PALM2AKAP2: variants seen among roughly 807,000 people sequenced by gnomAD.
PALM2AKAP2 encodes PALM2 and AKAP2 fusion, also known as PALM2-AKAP2 fusion protein.
PALM2AKAP2 carries 37 observed loss-of-function variants against 71.5 expected under a neutral mutation model. That is an observed-to-expected ratio of 0.52 (90% CI 0.40 to 0.68). PALM2AKAP2 has a LOEUF of 0.68. Among genes scored for constraint, PALM2AKAP2 ranks in the 30% least tolerant of loss-of-function variants. The probability of loss-of-function intolerance (pLI) is 0.00; values close to 1 mark genes in which losing one functional copy is unlikely to be tolerated. For synonymous variants in PALM2AKAP2, 468 were observed against 478.8 expected, an observed-to-expected ratio of 0.98 and a Z score of 0.29; for missense variants, 1,224 against 1,191.8, an observed-to-expected ratio of 1.03 and a Z score of -0.40.
At chr9:109,745,845 A>C (rs926601513) in intron 1 of PALM2AKAP2, among the ~76,000 whole-genome samples, 2 of 152,186 alleles carry the variant, frequency 1.3e-5, no homozygotes, top group African/African-American at 4.8e-5. Flanking sequence ...TGGGCTTCAT[A>C]AATTCAGACC....
intron 1 of PALM2AKAP2, among the ~76,000 whole-genome samples, chr9:109,844,133 C>T (rs978992335): frequency 6.6e-6 from 1 of 152,124 alleles, no homozygotes; most frequent in African/African-American, 2.4e-5. Context: ...AGTAGTATAC[C>T]CAGGCTTCAG....
intron 1 of PALM2AKAP2, among the ~76,000 whole-genome samples, chr9:110,080,492 T>C (rs545977857): frequency 1.3e-5 from 2 of 152,236 alleles, no homozygotes; most frequent in African/African-American, 4.8e-5. Context: ...ATGTCAGGTG[T>C]AGGAAGAGAT....
intron 1 of PALM2AKAP2, among the ~76,000 whole-genome samples, chr9:110,068,379 A>G (rs533448806): frequency 6.7e-6 from 1 of 149,832 alleles, no homozygotes; most frequent in South Asian, 2.1e-4. Flanking sequence ...GGGAATGACA[A>G]TGGATTTGGT....
intron 3 of PALM2AKAP2, among the ~76,000 whole-genome samples, chr9:109,905,756 G>C (rs1029661170): frequency 6.6e-6 from 1 of 152,152 alleles, no homozygotes; most frequent in Non-Finnish European, 1.5e-5. Flanking sequence ...TCAGTCCCTG[G>C]GACATCTTAA....
intron 6 of PALM2AKAP2, among the ~76,000 whole-genome samples, chr9:109,998,781 A>C (rs1011191810): frequency 6.7e-6 from 1 of 148,338 alleles, no homozygotes; most frequent in African/African-American, 2.5e-5. Flanking sequence ...AAAAAAAAAA[A>C]AGGGGGGATA....
At chr9:110,048,912 G>T (rs981094557) in intron 1 of PALM2AKAP2, 3 of 1,436,506 alleles carry the variant, frequency 2.1e-6, no homozygotes, top group African/African-American at 1.5e-5. Flanking sequence ...GTGAGGAAGG[G>T]GTGGCCGAGG....
At chr9:109,793,066 C>T (rs377688141) in intron 1 of PALM2AKAP2, among the ~76,000 whole-genome samples, 24 of 152,242 alleles carry the variant, frequency 1.6e-4, no homozygotes, top group Middle Eastern at 3.4e-3. Context: ...GGCCAAGAAG[C>T]GATTGTATGC....
intron 6 of PALM2AKAP2, among the ~76,000 whole-genome samples, chr9:109,971,000 A>T (rs1037133673): frequency 6.6e-6 from 1 of 152,076 alleles, no homozygotes; most frequent in African/African-American, 2.4e-5. Flanking sequence ...AGTCCCAGCT[A>T]CTCAGGTGGA....
At chr9:109,643,029 A>AAAGG (rs374873661) in intron 1 of PALM2AKAP2, among the ~76,000 whole-genome samples, 2 of 151,398 alleles carry the variant, frequency 1.3e-5, no homozygotes, top group South Asian at 4.2e-4. Flanking sequence ...AAAAAGAAAG[A>AAAGG]AAGGAAGGAA....
At chr9:109,936,873 T>C (rs1831231527) in intron 6 of PALM2AKAP2, among the ~76,000 whole-genome samples, 1 of 152,240 alleles carries the variant, frequency 6.6e-6, no homozygotes, top group African/African-American at 2.4e-5. Flanking sequence ...ATGTGGGCTC[T>C]CAGCCTGTTC....
intron 1 of PALM2AKAP2, among the ~76,000 whole-genome samples, chr9:109,831,280 C>T (rs1828294750): frequency 6.6e-6 from 1 of 151,944 alleles, no homozygotes; most frequent in South Asian, 2.1e-4. Flanking sequence ...CTGAAGGTTG[C>T]CTTGTATTAG....
chr9:109,812,056 C>T (rs1417594734), intron 1 of PALM2AKAP2, among the ~76,000 whole-genome samples: 1 of 152,242 alleles, frequency 6.6e-6, no homozygotes, highest in Admixed American at 6.5e-5. Context: ...AACAGAGCCA[C>T]AGTCTCGGTC....
In PALM2AKAP2 at chr9:110,088,703, G is replaced by GTTTT. The variant is rs71373964; in HGVS notation, c.156+39877_156+39880dup. Reference sequence around the variant, plus strand: ...TAGCTATTAAAGTTTGCATTTACGTGTTTTTTTTTTTTTTTTTTTTTTTTT... The same window carrying GTTTT: ...TAGCTATTAAAGTTTGCATTTACGTGTTTTTTTTTTTTTTTTTTTTTTTTTTTTT... On this transcript the variant is annotated intron_variant, in intron 1 of 3. Coordinates refer to ENST00000374525, the Ensembl canonical transcript of PALM2AKAP2. Among the ~76,000 whole-genome samples, 683 of 75,430 alleles carry GTTTT rather than the reference G, an allele frequency of 9.1e-3. 79 individuals carry two copies. The highest frequency in any genetic ancestry group is 0.028 in the East Asian group (41 of 1,482). The allele number at this position is 75,430 out of a possible 152,430, so 49.5% of individuals were successfully genotyped here.
chr9:109,930,128 C>T (rs1831060301), intron 5 of PALM2AKAP2, among the ~76,000 whole-genome samples: 1 of 152,140 alleles, frequency 6.6e-6, no homozygotes, highest in African/African-American at 2.4e-5. Flanking sequence ...ATATAAGGCA[C>T]CTGAGAGGGA....
At chr9:110,077,506 C>T (rs894519052) in intron 1 of PALM2AKAP2, among the ~76,000 whole-genome samples, 9 of 152,204 alleles carry the variant, frequency 5.9e-5, no homozygotes, top group South Asian at 4.2e-4. Context: ...GTCAGGTAAA[C>T]GGTGAGGCTG....
rs989964512 is a variant in PALM2AKAP2 at position 109,838,066 on chromosome 9, A to G, written c.46-29425A>G. Among the ~76,000 whole-genome samples the G allele has an allele frequency of 7.9e-3, 414 of 52,546 alleles. 1 individual carries two copies. Among genetic ancestry groups the G allele is most frequent in the African/African-American group, 0.041 (384 of 9,346 alleles). The allele number at this position is 52,546 out of a possible 152,430, so 34.5% of individuals were successfully genotyped here. ...ACAGAACTCTCCACCCCAAATCAAC[A>G]GAATATAATTATTCTCAGCACCACA... is the stretch of plus-strand genomic sequence containing the variant. On this transcript the variant is annotated intron_variant, in intron 1 of 9. Coordinates refer to the PALM2AKAP2 transcript ENST00000302798.
chr9:109,675,389 GGCT>G (rs1187109600), intron 1 of PALM2AKAP2, among the ~76,000 whole-genome samples: 1 of 152,054 alleles, frequency 6.6e-6, no homozygotes, highest in East Asian at 1.9e-4. Context: ...ATATCTTTCT[GGCT>G]GTTAATTACC....
At chr9:109,771,696 T>C (rs1408281620) in intron 1 of PALM2AKAP2, among the ~76,000 whole-genome samples, 3 of 151,972 alleles carry the variant, frequency 2.0e-5, no homozygotes, top group African/African-American at 4.8e-5. Flanking sequence ...CAGAAAATAG[T>C]GTAAGAAGGG....
At chr9:109,979,830 T>C (rs1564243577) in intron 6 of PALM2AKAP2, among the ~76,000 whole-genome samples, 1 of 152,130 alleles carries the variant, frequency 6.6e-6, no homozygotes, top group Non-Finnish European at 1.5e-5. Context: ...GATTGAAAAA[T>C]GAGACAACAT....
Sources: allele counts gnomAD v4.1 joint callset (sites outside exome capture counted in the v4.1 genomes callset), GRCh38; gene constraint gnomAD v4.1.1; transcripts MANE v1.5; gene names NCBI Gene and HGNC (gene_info 2026-07-23, HGNC 2026-07-21).